CSGALNACT1: variants seen among roughly 807,000 people sequenced by gnomAD.
The protein encoded by CSGALNACT1 is beta4GalNAcT-1.
In CSGALNACT1, 52 loss-of-function variants were observed where a neutral mutation model predicts 51.0. The observed-to-expected ratio is 1.02, with a 90% CI of 0.82 to 1.29. The LOEUF (loss-of-function observed/expected upper bound fraction) is 1.29, where lower values mean the gene tolerates loss of function less well. Among genes scored for constraint, CSGALNACT1 ranks in the 50% most tolerant of loss-of-function variants. CSGALNACT1 has a pLI of 0.00. For synonymous variants in CSGALNACT1, 341 were observed against 254.4 expected, an observed-to-expected ratio of 1.34 and a Z score of -3.24; for missense variants, 935 against 679.2, an observed-to-expected ratio of 1.38 and a Z score of -4.19.
Position 19,445,480 on chromosome 8 carries a change from C to G in CSGALNACT1, c.852-5549G>C, listed in dbSNP as rs778289223. Among the ~76,000 whole-genome samples, 6 of 152,262 alleles carry G rather than the reference C, an allele frequency of 3.9e-5. 1 individual carries two copies. Among genetic ancestry groups the G allele is most frequent in the African/African-American group, 1.2e-4 (5 of 41,554 alleles). ...AGACAGATGCTGTGACTAGGTGAGG[C>G]GTCTTAAAAAAGGCAAAGTAGAATT... On this transcript the variant is annotated intron_variant, in intron 5 of 9. Transcript: ENST00000454498.
intron 3 of CSGALNACT1, among the ~76,000 whole-genome samples, chr8:19,589,792 G>C (rs1463274822): frequency 1.3e-5 from 2 of 152,186 alleles, no homozygotes; most frequent in African/African-American, 4.8e-5. Context: ...AAGATTTACA[G>C]CATCCTTCTA....
chr8:19,481,251 GC>G (rs888596112), intron 4 of CSGALNACT1, among the ~76,000 whole-genome samples: 1 of 152,022 alleles, frequency 6.6e-6, no homozygotes, highest in Non-Finnish European at 1.5e-5. Context: ...CGACCTCTGT[GC>G]CCTGGGTGTC....
At chr8:19,442,491 G>A (rs1405842233) in intron 5 of CSGALNACT1, among the ~76,000 whole-genome samples, 1 of 149,604 alleles carries the variant, frequency 6.7e-6, no homozygotes, top group Non-Finnish European at 1.5e-5. Context: ...AACACTGCAT[G>A]TTCTCACTCA....
At chr8:19,429,799 C>T (rs967570699) in intron 6 of CSGALNACT1, among the ~76,000 whole-genome samples, 2 of 152,202 alleles carry the variant, frequency 1.3e-5, no homozygotes, top group Admixed American at 1.3e-4. Flanking sequence ...TAAGGAACTG[C>T]CACACTGTTT....
chr8:19,649,852 G>C (rs112160480), intron 1 of CSGALNACT1, among the ~76,000 whole-genome samples: 1,489 of 31,652 alleles, frequency 0.047, 23 homozygotes, highest in Middle Eastern at 0.19. Context: ...AAAACCACGG[G>C]GGGAGGCATT....
At chr8:19,405,720 C>T (rs1031654903) in exon 10 of CSGALNACT1, 7 of 1,600,584 alleles carry the variant, frequency 4.4e-6, no homozygotes, top group Middle Eastern at 1.6e-4. Context: ...TCTGTTGCAG[C>T]CACTTTCAGT....
intron 5 of CSGALNACT1, among the ~76,000 whole-genome samples, chr8:19,457,079 G>A (rs1372072198): frequency 6.6e-6 from 1 of 152,164 alleles, no homozygotes; most frequent in Non-Finnish European, 1.5e-5. Context: ...GCAGCTTCCT[G>A]GTGCACACAC....
chr8:19,633,408 T>C (rs1452321142), intron 1 of CSGALNACT1, among the ~76,000 whole-genome samples: 1 of 152,190 alleles, frequency 6.6e-6, no homozygotes, highest in Non-Finnish European at 1.5e-5. Flanking sequence ...CCAAAGAAGA[T>C]ATGTTAAAGT....
intron 1 of CSGALNACT1, among the ~76,000 whole-genome samples, chr8:19,725,873 G>T (rs2063373071): frequency 6.6e-6 from 1 of 151,902 alleles, no homozygotes; most frequent in African/African-American, 2.4e-5. Context: ...TGGTGCATTT[G>T]TTACACTTGA....
intron 3 of CSGALNACT1, among the ~76,000 whole-genome samples, chr8:19,568,575 A>C (rs1235291511): frequency 6.6e-6 from 1 of 152,226 alleles, no homozygotes; most frequent in Non-Finnish European, 1.5e-5. Context: ...ACTGTGAAAA[A>C]CAAAAGGACT....
In CSGALNACT1 at chr8:19,675,706, C is replaced by G. The variant is rs531956402; in HGVS notation, c.-544+6767G>C. Among the ~76,000 whole-genome samples, 3 of 152,204 alleles carry G rather than the reference C, an allele frequency of 2.0e-5. No individual in the cohort carries two copies. In the East Asian group the frequency reaches 5.8e-4, roughly 29 times the overall value. On this transcript the variant is annotated intron_variant, in intron 1 of 9. Transcript: ENST00000332246. ...ACAGGGTTTCACTGTGTTGGCCAGG[C>G]TGGTCTCAAACTCCTAACCTCGTGA... is the stretch of plus-strand genomic sequence containing the variant.
At chr8:19,629,952 A>T (rs1324773403) in intron 1 of CSGALNACT1, among the ~76,000 whole-genome samples, 1 of 152,204 alleles carries the variant, frequency 6.6e-6, no homozygotes, top group Non-Finnish European at 1.5e-5. Flanking sequence ...ATAGAATCAA[A>T]GTTGTGTGTA....
chr8:19,610,847 T>C (rs1274316912), intron 1 of CSGALNACT1, among the ~76,000 whole-genome samples: 1 of 152,246 alleles, frequency 6.6e-6, no homozygotes, highest in Non-Finnish European at 1.5e-5. Flanking sequence ...GTGGAGGATC[T>C]AACCGAGCAG....
intron 5 of CSGALNACT1, among the ~76,000 whole-genome samples, chr8:19,445,915 C>G (rs113864656): frequency 0.14 from 20,916 of 152,220 alleles, 1,708 homozygotes; most frequent in Middle Eastern, 0.23. Context: ...TGGCTCATGC[C>G]TATAATCTCA....
intron 6 of CSGALNACT1, among the ~76,000 whole-genome samples, chr8:19,421,756 G>A (rs934008746): frequency 3.3e-5 from 5 of 152,182 alleles, no homozygotes; most frequent in African/African-American, 9.7e-5. Flanking sequence ...CTAGTTCTGC[G>A]ACTCCCTCCT....
chr8:19,641,878 A>G (rs1489802099), intron 1 of CSGALNACT1: 1 of 152,154 alleles, frequency 6.6e-6, no homozygotes, highest in Non-Finnish European at 1.5e-5. Context: ...CAGATACTTA[A>G]ATATTTTCAG....
intron 1 of CSGALNACT1, among the ~76,000 whole-genome samples, chr8:19,707,898 G>A (rs1489706447): frequency 2.0e-5 from 3 of 152,322 alleles, no homozygotes; most frequent in East Asian, 3.9e-4. Context: ...CTACTTGGGA[G>A]GCTAAGGCTG....
intron 2 of CSGALNACT1, among the ~76,000 whole-genome samples, chr8:19,600,270 T>TG (rs1368848959): frequency 6.6e-6 from 1 of 152,146 alleles, no homozygotes; most frequent in African/African-American, 2.4e-5. Context: ...ACAGTAGAGA[T>TG]GGGGTTTCAC....
At chr8:19,750,097 A>C (rs905695191) in intron 1 of CSGALNACT1, among the ~76,000 whole-genome samples, 5 of 152,144 alleles carry the variant, frequency 3.3e-5, no homozygotes, top group Admixed American at 2.6e-4. Flanking sequence ...CTGACCTCCA[A>C]CTTCATTTCT....
Sources: allele counts gnomAD v4.1 joint callset (sites outside exome capture counted in the v4.1 genomes callset), GRCh38; gene constraint gnomAD v4.1.1; transcripts MANE v1.5; gene names NCBI Gene and HGNC (gene_info 2026-07-23, HGNC 2026-07-21).